Variants in DNAJC6 observed in about 807,000 individuals in gnomAD.
DNAJC6 encodes auxilin.
Under a neutral mutation model 110.0 loss-of-function variants are expected in DNAJC6, and 34 were observed. The ratio of observed to expected loss-of-function variants is 0.31; its 90% CI spans 0.24 to 0.41. The LOEUF (loss-of-function observed/expected upper bound fraction) is 0.41. Ranked by LOEUF, DNAJC6 falls within the 10% of genes least tolerant of loss-of-function variation. The probability of loss-of-function intolerance (pLI) is 1.00; values close to 1 mark genes in which losing one functional copy is unlikely to be tolerated. For synonymous variants in DNAJC6, 406 were observed against 437.2 expected, an observed-to-expected ratio of 0.93 and a Z score of 0.89; for missense variants, 1,031 against 1,207.8, an observed-to-expected ratio of 0.85 and a Z score of 2.17.
chr1:65,401,902 A>G (rs746811581), intron 15 of DNAJC6, 22 bp downstream of exon 15: 4 of 1,611,514 alleles, frequency 2.5e-6, no homozygotes, highest in Admixed American at 3.4e-5. Flanking sequence ...GAAGATCAAG[A>G]TACAAATAAC....
At chr1:65,382,220 T>C (rs1380181511) in intron 5 of DNAJC6, among the ~76,000 whole-genome samples, 3 of 152,242 alleles carry the variant, frequency 2.0e-5, no homozygotes, top group Admixed American at 6.5e-5. Flanking sequence ...ACATTTCACA[T>C]GACTAATAGA....
At chr1:65,349,306 A>G (rs1027584634) in intron 1 of DNAJC6, among the ~76,000 whole-genome samples, 6 of 151,748 alleles carry the variant, frequency 4.0e-5, no homozygotes, top group Middle Eastern at 3.2e-3. Context: ...CTGTGTAATA[A>G]CACCACAATA....
intron 11 of DNAJC6, among the ~76,000 whole-genome samples, chr1:65,390,383 C>A (rs1247728933): frequency 1.3e-5 from 2 of 152,182 alleles, no homozygotes; most frequent in East Asian, 3.8e-4. Flanking sequence ...AACACTTGGC[C>A]TGTATATCTC....
upstream of DNAJC6, among the ~76,000 whole-genome samples, chr1:65,308,399 T>C (rs191443821): frequency 5.1e-4 from 77 of 152,346 alleles, no homozygotes; most frequent in East Asian, 0.013. Context: ...AAGACTTACT[T>C]GATCTTGACC....
intron 1 of DNAJC6, among the ~76,000 whole-genome samples, chr1:65,327,140 G>A (rs992837799): frequency 3.3e-5 from 5 of 152,198 alleles, no homozygotes; most frequent in African/African-American, 1.2e-4. Context: ...GTGTAGGCAA[G>A]ATTTCTTGGT....
chr1:65,364,503 A>G, intron 1 of DNAJC6, 132 bp from the exon 2 acceptor site: 2 of 1,114,926 alleles, frequency 1.8e-6, no homozygotes, highest in Non-Finnish European at 2.5e-6. Context: ...AGTGGGACAC[A>G]ATTTCCAGGA....
At chr1:65,398,691 A>C in intron 13 of DNAJC6, 122 bp from the exon 14 acceptor site, 1 of 868,766 alleles carries the variant, frequency 1.2e-6, no homozygotes, top group Non-Finnish European at 1.8e-6. Flanking sequence ...AGGAGTGGAT[A>C]TCTTGGGATC....
Position 65,284,186 on chromosome 1 carries a change from A to G in DNAJC6, c.-131+19254A>G, listed in dbSNP as rs74083006. On this transcript the variant is annotated intron_variant, in intron 1 of 19. Transcript: ENST00000263441. ...TCCTTTCCTTTACCTCAGTGATGTCACCCTCCCACTTCTGACAGGCTCTGC... is the reference window on the plus strand; with the variant it reads ...TCCTTTCCTTTACCTCAGTGATGTCGCCCTCCCACTTCTGACAGGCTCTGC... Among the ~76,000 whole-genome samples the G allele has an allele frequency of 3.8e-3, 580 of 151,806 alleles. 1 individual carries two copies. The highest frequency in any genetic ancestry group is 0.013 in the African/African-American group (558 of 41,368).
chr1:65,307,002 CTCTCTCTCTCTCTCTCTATA>C (rs1286270682), upstream of DNAJC6, among the ~76,000 whole-genome samples: 187 of 111,258 alleles, frequency 1.7e-3, 2 homozygotes, highest in African/African-American at 5.3e-3. Flanking sequence ...CTCTCTCTCT[CTCTCTCTCTCTCTCTCTATA>C]TATATATATA....
intron 1 of DNAJC6, among the ~76,000 whole-genome samples, chr1:65,311,453 G>T (rs948369304): frequency 1.7e-4 from 26 of 152,122 alleles, no homozygotes; most frequent in African/African-American, 6.3e-4. Flanking sequence ...TTGAACTCCT[G>T]ACCTCAGGTG....
chr1:65,264,809 T>C lies in DNAJC6; in HGVS notation c.-254T>C, dbSNP rs1002143267. ...CCCGAGTGCTCCTCCGTTGAGAGAC[T>C]TCGCCCCCGAGACCGCTGACTGTGA... On this transcript the variant is annotated 5_prime_UTR_variant, in exon 1 of 20. Coordinates refer to the DNAJC6 transcript ENST00000263441. 3.2e-6 allele frequency: 5 copies of C among 1,555,732 alleles called. No homozygotes were observed. The African/African-American group carries it at 6.8e-5, about 21-fold the overall frequency.
At chr1:65,296,469 G>A (rs924353847) in intron 1 of DNAJC6, among the ~76,000 whole-genome samples, 2 of 152,030 alleles carry the variant, frequency 1.3e-5, no homozygotes, top group Non-Finnish European at 2.9e-5. Flanking sequence ...ACCTTAATCA[G>A]TAATAAGTAC....
intron 1 of DNAJC6, among the ~76,000 whole-genome samples, chr1:65,293,763 G>A (rs896580119): frequency 6.6e-5 from 10 of 152,072 alleles, no homozygotes; most frequent in Admixed American, 6.6e-4. Flanking sequence ...GTTGGTCTAT[G>A]CACAAATAGG....
chr1:65,392,446 A>G lies in DNAJC6; in HGVS notation c.1484A>G (p.Lys495Arg), dbSNP rs772199769. The G allele has an allele frequency of 3.1e-6, 5 of 1,600,120 alleles. No homozygotes were observed. The highest frequency in any genetic ancestry group is 3.4e-6 in the Non-Finnish European group (4 of 1,172,258). ...SLCWQDQKSE[K>R]SFCEEDHAAL... ...CCTTCCTCAGATCAGAAATCGGAGAAGTCATTCTGTGAGGAGGACCACGCT... is the reference window on the plus strand; with the variant it reads ...CCTTCCTCAGATCAGAAATCGGAGAGGTCATTCTGTGAGGAGGACCACGCT... Residue 495 changes from lysine (K) to arginine (R), a missense_variant, in exon 12 of 19, where the codon AAG becomes AGG. Coordinates refer to ENST00000371069, the MANE Select transcript of DNAJC6 (RefSeq NM_001256864.2).
At chr1:65,360,363 A>T (rs1645586137) in intron 1 of DNAJC6, among the ~76,000 whole-genome samples, 1 of 152,214 alleles carries the variant, frequency 6.6e-6, no homozygotes, top group Non-Finnish European at 1.5e-5. Context: ...TGAGCAGAGC[A>T]TGCAGCCTGA....
rs1645079103 is a variant in DNAJC6 at position 65,309,698 on chromosome 1, C to G, written c.-48C>G. On this transcript the variant is annotated 5_prime_UTR_variant, in exon 1 of 19. Transcript: ENST00000371069. ...TCAGCCCTTTCCACCTTCCATCTCCCTTTTCGCTTCCCAGGTTGATTATTT... is the reference window on the plus strand; with the variant it reads ...TCAGCCCTTTCCACCTTCCATCTCCGTTTTCGCTTCCCAGGTTGATTATTT... 6.5e-7 allele frequency: 1 copy of G among 1,537,550 alleles called. No individual in the cohort carries two copies.
chr1:65,385,843 A>G lies in DNAJC6; in HGVS notation c.932A>G (p.Tyr311Cys), dbSNP rs1328195502. Residue 311 changes from tyrosine to cysteine, a missense_variant, in exon 7 of 19, where the codon TAC becomes TGC. By Grantham distance (194) the Tyr-to-Cys change is radical (BLOSUM62 -2). Coordinates refer to ENST00000371069, the MANE Select transcript of DNAJC6 (RefSeq NM_001256864.2). The part of the protein sequence containing the change: ...FNKQRNGCRP[Y>C]CDVLIGETKI... ...AAACAGAGGAATGGATGTCGCCCTT[A>G]CTGTGATGTACTCATTGGAGAAACC... 7 of 1,613,856 alleles carry G rather than the reference A, an allele frequency of 4.3e-6. No homozygotes were observed. Among genetic ancestry groups the G allele is most frequent in the Non-Finnish European group, 5.1e-6 (6 of 1,179,904 alleles).
rs973078210 is a variant in DNAJC6, at chr1:65,379,636, A to G, written c.666+112A>G. On this transcript the variant is annotated intron_variant, in intron 5 of 18. Transcript: ENST00000371069. ...GAGTTCAATAGGATTTACTGAGCCC[A>G]TATTTAGGAATTGGGTAATGTGAGA... 2.4e-5 allele frequency: 34 copies of G among 1,409,484 alleles called. No individual in the cohort carries two copies. The African/African-American group carries it at 4.8e-4, about 20-fold the overall frequency. 87.3% of individuals were successfully genotyped at this position (1,409,484 alleles called of 1,614,324 possible). A position where few individuals can be genotyped will look rare whatever the true frequency, so the allele number is the denominator to read the frequency against.
intron 1 of DNAJC6, among the ~76,000 whole-genome samples, chr1:65,295,469 G>C (rs1347779153): frequency 6.6e-6 from 1 of 152,116 alleles, no homozygotes; most frequent in Non-Finnish European, 1.5e-5. Flanking sequence ...TTGGTTATAG[G>C]TACCTATCCC....
Sources: gnomAD v4.1 joint callset for allele counts (sites outside exome capture counted in the v4.1 genomes callset) on GRCh38, gnomAD v4.1.1 for gene constraint, MANE v1.5 for transcripts, NCBI Gene and HGNC (gene_info 2026-07-23, HGNC 2026-07-21) for gene names.